The following GAS2L3 variants were observed in gnomAD, a reference collection of about 807,000 sequenced individuals.
The protein encoded by GAS2L3 is growth arrest specific 2 like 3.
GAS2L3 carries 28 observed loss-of-function variants against 37.0 expected under a neutral mutation model. The observed-to-expected ratio is 0.76, with a 90% CI of 0.56 to 1.04. The LOEUF (loss-of-function observed/expected upper bound fraction) is 1.04. Ranked by LOEUF, GAS2L3 falls within the 50% of genes least tolerant of loss-of-function variation. The probability of loss-of-function intolerance (pLI) is 0.00; values close to 1 mark genes in which losing one functional copy is unlikely to be tolerated. For missense variants in GAS2L3, 793 were observed against 817.6 expected, an observed-to-expected ratio of 0.97 and a Z score of 0.37; for synonymous variants, 290 against 296.6, an observed-to-expected ratio of 0.98 and a Z score of 0.23.
chr12:100,610,709 G>T (rs1012481993), intron 5 of GAS2L3, among the ~76,000 whole-genome samples: 9 of 152,058 alleles, frequency 5.9e-5, no homozygotes, highest in South Asian at 2.1e-4. Context: ...TGTACCTACT[G>T]CATTAACAAA....
chr12:100,576,647 G>A (rs1422581019), intron 1 of GAS2L3, among the ~76,000 whole-genome samples: 1 of 152,148 alleles, frequency 6.6e-6, no homozygotes, highest in Admixed American at 6.5e-5. Context: ...TGCTTCAGAA[G>A]TAATGTTTAT....
chr12:100,612,504 G>A (rs1323759522), intron 6 of GAS2L3: 1 of 194,044 alleles, frequency 5.2e-6, no homozygotes, highest in African/African-American at 2.4e-5. Flanking sequence ...ATGACAGGAG[G>A]CCTAATAATG....
chr12:100,589,231 A>C (rs1279700808), intron 1 of GAS2L3, among the ~76,000 whole-genome samples: 1 of 152,188 alleles, frequency 6.6e-6, no homozygotes, highest in Non-Finnish European at 1.5e-5. Context: ...AAATTCAGCA[A>C]GGTTTCTGGA....
intron 1 of GAS2L3, chr12:100,579,571 G>C: frequency 1.3e-6 from 1 of 773,266 alleles, no homozygotes; most frequent in Non-Finnish European, 2.4e-6. Flanking sequence ...GTTCCGGAAA[G>C]ATACCAGTTG....
Position 100,625,191 on chromosome 12 carries a change from T to C in GAS2L3, c.*301T>C, listed in dbSNP as rs1956320131. 1 of 220,548 alleles carries C rather than the reference T, an allele frequency of 4.5e-6. No homozygotes were observed. The allele number at this position is 220,548 out of a possible 1,614,324, so 13.7% of individuals were successfully genotyped here. A position where few individuals can be genotyped will look rare whatever the true frequency, so the allele number is the denominator to read the frequency against. On this transcript the variant is annotated 3_prime_UTR_variant, in exon 10 of 10. Coordinates refer to ENST00000547754, the MANE Select transcript of GAS2L3 (RefSeq NM_174942.3). Reference sequence around the variant, plus strand: ...CCTTTTGCAGGAAATGTAAAAGTTATTTAACACTACAAGAATTTTAACAAT... The same window carrying C: ...CCTTTTGCAGGAAATGTAAAAGTTACTTAACACTACAAGAATTTTAACAAT...
chr12:100,614,616 A>G (rs1048600974), intron 6 of GAS2L3, among the ~76,000 whole-genome samples: 5 of 152,224 alleles, frequency 3.3e-5, no homozygotes, highest in Admixed American at 3.3e-4. Flanking sequence ...ACTATGTTGT[A>G]CAATCATTAC....
intron 1 of GAS2L3, among the ~76,000 whole-genome samples, chr12:100,581,805 A>G (rs1955715944): frequency 6.6e-6 from 1 of 152,192 alleles, no homozygotes; most frequent in African/African-American, 2.4e-5. Context: ...ACAAGTTTTA[A>G]AGGCATACCA....
In GAS2L3 at chr12:100,627,232, T is replaced by C. The variant is rs968100723; in HGVS notation, c.*2342T>C. Among the ~76,000 whole-genome samples the C allele has an allele frequency of 3.3e-5, 5 of 152,118 alleles. No homozygotes were observed. Among genetic ancestry groups the C allele is most frequent in the Non-Finnish European group, 7.4e-5 (5 of 68,008 alleles). On this transcript the variant is annotated 3_prime_UTR_variant, in exon 10 of 10. Transcript: ENST00000547754. ...ATTTTTATTTATATATAGCTTACCCTTCCAAAATAAAAGTGTTTTTTTAAT... is the reference window on the plus strand; with the variant it reads ...ATTTTTATTTATATATAGCTTACCCCTCCAAAATAAAAGTGTTTTTTTAAT...
chr12:100,623,915 T>C lies in GAS2L3; in HGVS notation c.1110T>C (p.Arg370=). The change falls in exon 10 of 10, where the codon CGT becomes CGC. Residue 370 remains arginine (R), a synonymous_variant. Transcript: ENST00000547754. ...KGGNLGSMSV[R]SKLPNSPAAS... ...GTAATCTGGGCTCTATGTCAGTCCG[T>C]TCTAAATTGCCAAATTCTCCAGCAG... The C allele has an allele frequency of 6.2e-7, 1 of 1,613,972 alleles. No homozygotes were observed.
intron 9 of GAS2L3, among the ~76,000 whole-genome samples, chr12:100,623,195 A>T (rs1956280760): frequency 6.6e-6 from 1 of 152,026 alleles, no homozygotes; most frequent in African/African-American, 2.4e-5. Context: ...AGAGCATAGG[A>T]CTTAGAGTTA....
At chr12:100,591,674 A>G (rs533123706) in intron 1 of GAS2L3, 62 bp from the exon 2 acceptor site, 1 of 152,216 alleles carries the variant, frequency 6.6e-6, no homozygotes, top group South Asian at 2.1e-4. Flanking sequence ...CTTTATAGGT[A>G]TCGTCTCATT....
chr12:100,608,598 T>C (rs1382217991), intron 5 of GAS2L3, among the ~76,000 whole-genome samples: 2 of 152,126 alleles, frequency 1.3e-5, no homozygotes, highest in African/African-American at 4.8e-5. Context: ...CTCAGCTCAC[T>C]GCAAGCTCTG....
At chr12:100,623,411 A>G (rs1217533275) in intron 9 of GAS2L3, 151 bp from the exon 10 acceptor site, 3 of 547,672 alleles carry the variant, frequency 5.5e-6, no homozygotes, top group African/African-American at 3.8e-5. Context: ...TATTAATAAT[A>G]CAAGAAACAA....
intron 3 of GAS2L3, among the ~76,000 whole-genome samples, chr12:100,599,242 A>C (rs1237874089): frequency 6.6e-6 from 1 of 152,248 alleles, no homozygotes; most frequent in Non-Finnish European, 1.5e-5. Flanking sequence ...TCATAATGAC[A>C]TGATTACTTC....
chr12:100,597,223 A>G (rs1955923963), intron 3 of GAS2L3, among the ~76,000 whole-genome samples: 1 of 152,044 alleles, frequency 6.6e-6, no homozygotes. Flanking sequence ...CAGCTCAACC[A>G]GATGGTTAAT....
chr12:100,583,286 C>CA (rs1955736724), intron 1 of GAS2L3, among the ~76,000 whole-genome samples: 1 of 152,206 alleles, frequency 6.6e-6, no homozygotes, highest in Non-Finnish European at 1.5e-5. Context: ...CACATATTCA[C>CA]AGGTTCTGAG....
At chr12:100,594,654 A>G (rs1043528758) in intron 2 of GAS2L3, 1 of 260,744 alleles carries the variant, frequency 3.8e-6, no homozygotes, top group Non-Finnish European at 7.7e-6. Context: ...TACATATTAT[A>G]TTAAAGTCTG....
chr12:100,621,879 G>C (rs993551115), intron 8 of GAS2L3, among the ~76,000 whole-genome samples: 1 of 136,496 alleles, frequency 7.3e-6, no homozygotes, highest in East Asian at 2.5e-4. Context: ...GAGGGTGGGG[G>C]GGGGAGAGAG....
chr12:100,591,096 A>G (rs997859446), intron 1 of GAS2L3, among the ~76,000 whole-genome samples: 5 of 152,178 alleles, frequency 3.3e-5, no homozygotes, highest in African/African-American at 1.2e-4. Flanking sequence ...AAAAAATAAA[A>G]GTAAAAAATA....
Sources: gnomAD v4.1 joint callset for allele counts (sites outside exome capture counted in the v4.1 genomes callset) on GRCh38, gnomAD v4.1.1 for gene constraint, MANE v1.5 for transcripts, NCBI Gene and HGNC (gene_info 2026-07-23, HGNC 2026-07-21) for gene names.